YARS1: variants seen among roughly 807,000 people sequenced by gnomAD.
YARS1 encodes the protein tyrosyl-tRNA synthetase 1, also known as tyrosine--tRNA ligase, cytoplasmic.
Under a neutral mutation model 62.2 loss-of-function variants are expected in YARS1, and 36 were observed. The ratio of observed to expected loss-of-function variants is 0.58; its 90% confidence interval spans 0.44 to 0.76. The LOEUF is 0.76. Ranked by LOEUF, YARS1 falls within the 30% of genes least tolerant of loss-of-function variation. The pLI, the probability that YARS1 is intolerant of heterozygous loss-of-function variation, is 0.00. For synonymous variants in YARS1, 234 were observed against 244.9 expected (o/e 0.96, Z 0.42); for missense variants, 524 against 639.8 (o/e 0.82, Z 1.95).
chr1:32,780,381 C>T, intron 10 of YARS1, 103 bp from the exon 11 acceptor site: 4 of 1,396,522 alleles, frequency 2.9e-6, no homozygotes, highest in Non-Finnish European at 4.0e-6. Flanking sequence ...CTTACAGAGG[C>T]CCCTGGAAAG....
intron 4 of YARS1, among the ~76,000 whole-genome samples, chr1:32,803,528 G>C (rs567220874): frequency 6.6e-6 from 1 of 152,296 alleles, no homozygotes; most frequent in Admixed American, 6.5e-5. Flanking sequence ...CCTAACAAGA[G>C]AGTCAGCCTG....
At chr1:32,778,470 G>A (rs368720027) in intron 12 of YARS1, among the ~76,000 whole-genome samples, 3 of 151,066 alleles carry the variant, frequency 2.0e-5, no homozygotes, top group Non-Finnish European at 2.9e-5. Context: ...GTGCAGTGGC[G>A]TGATCTCGGC....
chr1:32,790,990 C>A, intron 6 of YARS1, 172 bp downstream of exon 6: 1 of 682,084 alleles, frequency 1.5e-6, no homozygotes, highest in South Asian at 1.6e-5. Flanking sequence ...CTCATCAGGA[C>A]TGCTCTGGAT....
intron 12 of YARS1, among the ~76,000 whole-genome samples, 195 bp downstream of exon 12, chr1:32,779,187 G>C (rs988487254): frequency 2.6e-5 from 4 of 152,172 alleles, no homozygotes; most frequent in Non-Finnish European, 5.9e-5. Context: ...TGTCGGAGAT[G>C]TAATGCAAGG....
At chr1:32,812,801 C>T (rs1200174894) in intron 1 of YARS1, among the ~76,000 whole-genome samples, 2 of 152,044 alleles carry the variant, frequency 1.3e-5, no homozygotes, top group African/African-American at 2.4e-5. Context: ...GAAACCATCT[C>T]TACTAAAAAT....
chr1:32,793,754 G>A (rs1653487101), intron 5 of YARS1, among the ~76,000 whole-genome samples: 1 of 152,204 alleles, frequency 6.6e-6, no homozygotes, highest in Non-Finnish European at 1.5e-5. Context: ...TAAACTTAGA[G>A]GTGACTTTTC....
chr1:32,780,507 T>C, intron 10 of YARS1: 1 of 578,178 alleles, frequency 1.7e-6, no homozygotes, highest in East Asian at 3.0e-5. Context: ...CCTAGATGCT[T>C]GTGTTAAGAG....
intron 3 of YARS1, among the ~76,000 whole-genome samples, chr1:32,809,538 T>C (rs904368259): frequency 1.2e-4 from 19 of 152,168 alleles, no homozygotes; most frequent in Admixed American, 7.9e-4. Flanking sequence ...GCCCAGCCTA[T>C]ATGCTTTATT....
At chr1:32,780,464 C>T in intron 10 of YARS1, 186 bp from the exon 11 acceptor site, 2 of 662,080 alleles carry the variant, frequency 3.0e-6, no homozygotes, top group Non-Finnish European at 2.6e-6. Context: ...GTATACTCTG[C>T]TCTCAACTGA....
chr1:32,817,325 A>G lies in YARS1; in HGVS notation c.-81T>C. The G allele has an allele frequency of 6.4e-7, 1 of 1,568,068 alleles. No individual in the cohort carries two copies. Among genetic ancestry groups the G allele is most frequent in the South Asian group, 1.1e-5 (1 of 90,244 alleles). On this transcript the variant is annotated 5_prime_UTR_variant, in exon 1 of 13. Coordinates refer to ENST00000373477, the MANE Select transcript of YARS1 (RefSeq NM_003680.4). The stretch of plus-strand genomic sequence containing the variant: ...TCACCGTCGCCGCCGCGTGCCGGGA[A>G]CTGTCACGCGAGTCCAGCCAGGTTG...
In YARS1 at chr1:32,810,953, C is replaced by T; in HGVS notation, c.162G>A (p.Val54=). ...TTGKPHVAYF[V]PMSKIADFLK... ...AGAAGTCTGCAATCTTTGACATGGG[C>T]ACAAAGTAAGCCACATGTGGTTTGC... The change falls in exon 2 of 13, where the codon GTG becomes GTA. Residue 54 remains valine (V), a synonymous_variant. Transcript: ENST00000373477. The T allele has an allele frequency of 6.2e-7, 1 of 1,614,182 alleles. No individual in the cohort carries two copies. Among genetic ancestry groups the T allele is most frequent in the Non-Finnish European group, 8.5e-7 (1 of 1,180,042 alleles).
chr1:32,786,847 TGAAG>T, intron 7 of YARS1, 89 bp downstream of exon 7: 3 of 1,551,930 alleles, frequency 1.9e-6, no homozygotes, highest in Non-Finnish European at 2.6e-6. Context: ...AGCCAGTCCC[TGAAG>T]GAAGAGTCTG....
intron 8 of YARS1, 135 bp from the exon 9 acceptor site, chr1:32,782,674 A>G (rs1653099565): frequency 8.3e-7 from 1 of 1,210,048 alleles, no homozygotes; most frequent in Admixed American, 2.0e-5. Context: ...TGAGGCAGGT[A>G]GGAGAAGGGA....
chr1:32,804,691 C>T (rs1401623891), intron 4 of YARS1, among the ~76,000 whole-genome samples: 2 of 150,848 alleles, frequency 1.3e-5, no homozygotes, highest in African/African-American at 2.4e-5. Context: ...CGGGCAGAGA[C>T]GCTCCTCACT....
chr1:32,776,124 T>C lies in YARS1; in HGVS notation c.1477-33A>G, dbSNP rs1652850663. ...AGACAGATAAGAGAGATTTTAATGA[T>C]GGTGGTGGGACTGCAAGAAAACCCC... On this transcript the variant is annotated intron_variant, in intron 12 of 12. Transcript: ENST00000373477. The surrounding 1 kb of genome is among the most constrained non-coding windows in gnomAD (Gnocchi z 4.0). 3 of 1,569,076 alleles carry C rather than the reference T, an allele frequency of 1.9e-6. No homozygotes were observed. Among genetic ancestry groups the C allele is most frequent in the South Asian group, 1.1e-5 (1 of 89,014 alleles).
chr1:32,791,044 G>C lies in YARS1; in HGVS notation c.684+118C>G, dbSNP rs881393. 131,342 of 951,894 alleles carry C rather than the reference G, an allele frequency of 0.14. 10,708 individuals are homozygous for C. The highest frequency in any genetic ancestry group is 0.26 in the African/African-American group (16,339 of 62,068). The allele number at this position is 951,894 out of a possible 1,614,324, so 59.0% of individuals were successfully genotyped here. On this transcript the variant is annotated intron_variant, in intron 6 of 12. Transcript: ENST00000373477. ...CACTAAACTAATTGAATGGTGTAAG[G>C]CTCCTTCTAACTCAAATATTGGAGA...
In YARS1 at chr1:32,775,697, T is replaced by C. The variant is rs150690731; in HGVS notation, c.*284A>G. On this transcript the variant is annotated 3_prime_UTR_variant, in exon 13 of 13. Transcript: ENST00000373477. ...CTGTGGCATAAATTTTTAAATGAGT[T>C]ATATTGAAACCAGATTTCTCCAGCT... The C allele has an allele frequency of 1.3e-3, 656 of 503,422 alleles. 5 individuals are homozygous for C. Among genetic ancestry groups the C allele is most frequent in the African/African-American group, 0.012 (604 of 52,172 alleles). 31.2% of individuals were successfully genotyped at this position (503,422 alleles called of 1,614,324 possible).
In YARS1 at chr1:32,776,068, C is replaced by T. The variant is rs772578261; in HGVS notation, c.1500G>A (p.Glu500=). The stretch of plus-strand genomic sequence containing the variant: ...TGGTTTGCTTCCACTGTGCGATGCA[C>T]TCCTCAGAAATTTTGAAGTCAGCCT... ...KLQADFKISE[E]CIAQWKQTNF... Residue 500 remains glutamate, a synonymous_variant, in exon 13 of 13, where the codon GAG becomes GAA. Coordinates refer to ENST00000373477, the MANE Select transcript of YARS1 (RefSeq NM_003680.4). The surrounding 1 kb of genome is among the most constrained non-coding windows in gnomAD (Gnocchi z 4.0). 5 of 1,614,048 alleles carry T rather than the reference C, an allele frequency of 3.1e-6. No homozygotes were observed. The East Asian group carries it at 8.9e-5, about 29-fold the overall frequency.
intron 6 of YARS1, among the ~76,000 whole-genome samples, chr1:32,788,984 C>T (rs555928749): frequency 6.6e-6 from 1 of 152,318 alleles, no homozygotes; most frequent in East Asian, 1.9e-4. Flanking sequence ...GCCACCATGC[C>T]TAGCTAATTT....
Sources: allele counts gnomAD v4.1 joint callset (sites outside exome capture counted in the v4.1 genomes callset), GRCh38; gene constraint gnomAD v4.1.1; non-coding constraint Gnocchi (gnomAD v3.1); transcripts MANE v1.5; gene names NCBI Gene and HGNC (gene_info 2026-07-23, HGNC 2026-07-21).